ZCWPW2: variants seen among roughly 807,000 people sequenced by gnomAD.
ZCWPW2 encodes the protein zinc finger CW-type PWWP domain protein 2.
ZCWPW2 carries 45 observed loss-of-function variants against 46.6 expected under a neutral mutation model. The ratio of observed to expected loss-of-function variants is 0.96; its 90% CI spans 0.76 to 1.24. The LOEUF is 1.24. ZCWPW2 is among the 50% of genes most tolerant of loss of function. The probability of loss-of-function intolerance (pLI) is 0.00; values close to 1 mark genes in which losing one functional copy is unlikely to be tolerated. For synonymous variants in ZCWPW2, 152 were observed against 137.1 expected (o/e 1.11, Z -0.76); for missense variants, 429 against 403.9 (o/e 1.06, Z -0.53).
intron 5 of ZCWPW2, among the ~76,000 whole-genome samples, chr3:28,485,244 C>A (rs1699558642): frequency 6.6e-6 from 1 of 151,296 alleles, no homozygotes; most frequent in Non-Finnish European, 1.5e-5. Context: ...TGGCTTAATT[C>A]CATTTTGGTC....
chr3:28,410,298 A>G (rs1274191749), intron 2 of ZCWPW2, among the ~76,000 whole-genome samples: 1 of 152,084 alleles, frequency 6.6e-6, no homozygotes, highest in Non-Finnish European at 1.5e-5. Flanking sequence ...TAATATATCA[A>G]CCATTTAGTA....
chr3:28,381,466 A>T (rs1386993086), intron 1 of ZCWPW2, among the ~76,000 whole-genome samples: 1 of 152,044 alleles, frequency 6.6e-6, no homozygotes, highest in Non-Finnish European at 1.5e-5. Flanking sequence ...GAGTAGGCTG[A>T]GGGTTGGTTT....
At chr3:28,390,459 TA>T in intron 1 of ZCWPW2, 38 bp from the exon 2 acceptor site, 1 of 981,594 alleles carries the variant, frequency 1.0e-6, no homozygotes, top group Non-Finnish European at 1.2e-6. Context: ...GGGTATTATA[TA>T]GTTTTAAATT....
intron 4 of ZCWPW2, among the ~76,000 whole-genome samples, chr3:28,453,832 T>TTTA (rs1698320265): frequency 6.9e-6 from 1 of 144,796 alleles, no homozygotes; most frequent in Admixed American, 6.8e-5. Flanking sequence ...TATTTATTTA[T>TTTA]TTTTATTTTT....
At chr3:28,352,124 ATG>A (rs2125684598) in intron 1 of ZCWPW2, among the ~76,000 whole-genome samples, 1 of 120,888 alleles carries the variant, frequency 8.3e-6, no homozygotes, top group South Asian at 3.1e-4. Context: ...TCTCAGATGT[ATG>A]CACACACACA....
chr3:28,359,806 TC>T, intron 1 of ZCWPW2, among the ~76,000 whole-genome samples: 1 of 152,248 alleles, frequency 6.6e-6, no homozygotes, highest in South Asian at 2.1e-4. Context: ...TGTCTTTTTT[TC>T]CCCCTACACA....
chr3:28,514,304 G>T (rs1218370087), intron 7 of ZCWPW2, among the ~76,000 whole-genome samples, 182 bp downstream of exon 7: 1 of 151,892 alleles, frequency 6.6e-6, no homozygotes, highest in African/African-American at 2.4e-5. Flanking sequence ...TGATTTGGAT[G>T]CCTACCTCCT....
In ZCWPW2 at chr3:28,453,919, A is replaced by G. The variant is rs868023201; in HGVS notation, c.492+18650A>G. Among the ~76,000 whole-genome samples, 358 of 150,044 alleles carry G rather than the reference A, an allele frequency of 2.4e-3. 1 individual carries two copies. The highest frequency in any genetic ancestry group is 7.9e-3 in the African/African-American group (323 of 40,874). On this transcript the variant is annotated intron_variant, in intron 4 of 9. Transcript: ENST00000383768. ...GAGTGCAGTGGCGCGATCTCGGCTC[A>G]CTGCAAGCTCCGCCTCCCGGGTTCA...
intron 4 of ZCWPW2, chr3:28,447,854 C>T: frequency 9.7e-7 from 1 of 1,035,628 alleles, no homozygotes; most frequent in Non-Finnish European, 1.5e-6. Context: ...AGCACCAAAT[C>T]TGCATGTGGT....
intron 4 of ZCWPW2, among the ~76,000 whole-genome samples, chr3:28,436,918 T>G (rs1697523887): frequency 6.6e-6 from 1 of 152,206 alleles, no homozygotes; most frequent in Non-Finnish European, 1.5e-5. Flanking sequence ...TCAGGATAGC[T>G]GAGATTTCCT....
At chr3:28,397,316 A>G (rs13089663) in intron 2 of ZCWPW2, among the ~76,000 whole-genome samples, 33,332 of 152,152 alleles carry the variant, frequency 0.22, 3,958 homozygotes, top group Admixed American at 0.28. Context: ...GTAATATTTT[A>G]ATTCAGGAAG....
At chr3:28,421,732 GT>G (rs373384685) in intron 3 of ZCWPW2, among the ~76,000 whole-genome samples, 2,390 of 146,966 alleles carry the variant, frequency 0.016, 75 homozygotes, top group African/African-American at 0.055. Context: ...ATCTTTTTAT[GT>G]TTTTTTTTTC....
At chr3:28,361,837 G>C (rs111289657) in intron 1 of ZCWPW2, among the ~76,000 whole-genome samples, 108 of 152,190 alleles carry the variant, frequency 7.1e-4, no homozygotes, top group African/African-American at 2.6e-3. Flanking sequence ...CCTCATACCT[G>C]TTAGGATGGC....
intron 4 of ZCWPW2, among the ~76,000 whole-genome samples, chr3:28,470,521 A>G (rs1309831226): frequency 2.6e-5 from 4 of 151,608 alleles, no homozygotes; most frequent in Non-Finnish European, 5.9e-5. Context: ...AAGGAAGGAA[A>G]TTTAAAAATT....
intron 5 of ZCWPW2, among the ~76,000 whole-genome samples, chr3:28,487,709 C>G (rs1012871777): frequency 6.6e-6 from 1 of 152,124 alleles, no homozygotes; most frequent in Non-Finnish European, 1.5e-5. Flanking sequence ...GGTAAAATAA[C>G]TGCAATCATG....
intron 6 of ZCWPW2, among the ~76,000 whole-genome samples, chr3:28,499,194 C>G (rs571419492): frequency 6.6e-5 from 10 of 152,266 alleles, no homozygotes; most frequent in African/African-American, 2.4e-4. Context: ...AATGTTATTT[C>G]TGGTTCTAAA....
intron 2 of ZCWPW2, among the ~76,000 whole-genome samples, chr3:28,403,224 A>G (rs765375552): frequency 1.9e-4 from 29 of 152,210 alleles, no homozygotes; most frequent in Non-Finnish European, 3.2e-4. Context: ...ATTAATGTAC[A>G]CAAGTCAGCA....
In ZCWPW2 at chr3:28,515,561, A is replaced by G. The variant is rs143712322; in HGVS notation, c.724A>G (p.Ile242Val). The G allele has an allele frequency of 3.5e-5, 56 of 1,608,788 alleles. No individual in the cohort carries two copies. The highest frequency in any genetic ancestry group is 4.6e-5 in the Non-Finnish European group (54 of 1,177,344). ...GTCAAATTCTTTTTCTAGGAAAGCAATTTTAAAATGCTCTTTTGAAAATGT... is the reference window on the plus strand; with the variant it reads ...GTCAAATTCTTTTTCTAGGAAAGCAGTTTTAAAATGCTCTTTTGAAAATGT... ...PKFRKRKRKA[I>V]LKCSFENVYS... The change falls in exon 8 of 10, where the codon ATT (isoleucine) becomes GTT (valine). Residue 242 changes from isoleucine (I) to valine (V), a missense_variant. Coordinates refer to ENST00000383768, the MANE Select transcript of ZCWPW2 (RefSeq NM_001040432.4).
intron 4 of ZCWPW2, chr3:28,447,826 T>C: frequency 9.8e-7 from 1 of 1,016,816 alleles, no homozygotes; most frequent in South Asian, 1.3e-5. Context: ...TTTACCTTTA[T>C]ACAAAGAAGG....
Sources: gnomAD v4.1 joint callset for allele counts (sites outside exome capture counted in the v4.1 genomes callset) on GRCh38, gnomAD v4.1.1 for gene constraint, MANE v1.5 for transcripts, NCBI Gene and HGNC (gene_info 2026-07-23, HGNC 2026-07-21) for gene names.